The following LRRC37A2 variants were observed in gnomAD, a reference collection of about 807,000 sequenced individuals.
LRRC37A2 encodes leucine rich repeat containing 37 member A2, also known as leucine-rich repeat-containing protein 37A2.
A neutral mutation model predicts 68.8 loss-of-function variants in LRRC37A2; 9 were observed. The ratio of observed to expected loss-of-function variants is 0.13; its 90% CI spans 0.08 to 0.23. The LOEUF is 0.23. Among genes scored for constraint, LRRC37A2 ranks in the 10% least tolerant of loss-of-function variants. The pLI is 1.00. For synonymous variants in LRRC37A2, 63 were observed against 367.6 expected, an observed-to-expected ratio of 0.17 and a Z score of 9.48; for missense variants, 168 against 950.4, an observed-to-expected ratio of 0.18 and a Z score of 10.82.
At chr17:46,796,578 C>T in the LRRC37A2 span, among the ~76,000 whole-genome samples, 1 of 152,208 alleles carries the variant, frequency 6.6e-6, no homozygotes, top group Non-Finnish European at 1.5e-5. Context: ...TCGGGGCACA[C>T]AGAGAGGCAA....
chr17:46,503,154 G>C, the LRRC37A2 span, among the ~76,000 whole-genome samples: 1 of 146,254 alleles, frequency 6.8e-6, no homozygotes, highest in Admixed American at 6.8e-5. Context: ...GGAGCTTGCA[G>C]TGAGCCGAGA....
the LRRC37A2 span, chr17:46,966,772 C>T: frequency 2.2e-6 from 1 of 455,404 alleles, no homozygotes; most frequent in Non-Finnish European, 3.9e-6. Context: ...GACAATAGCA[C>T]CTGCCTTGCA....
the LRRC37A2 span, among the ~76,000 whole-genome samples, chr17:46,458,588 C>G: frequency 4.7e-4 from 28 of 59,062 alleles, 2 homozygotes; most frequent in South Asian, 8.3e-4. Flanking sequence ...GTTGCCCAGG[C>G]TGGAGTGCAA....
the LRRC37A2 span, among the ~76,000 whole-genome samples, chr17:46,881,339 C>T: frequency 2.0e-5 from 3 of 152,246 alleles, no homozygotes; most frequent in East Asian, 1.9e-4. Context: ...GCCTGGAGAC[C>T]AGCTGGCTCT....
chr17:46,976,604 G>T, the LRRC37A2 span, among the ~76,000 whole-genome samples: 1 of 151,988 alleles, frequency 6.6e-6, no homozygotes, highest in Non-Finnish European at 1.5e-5. Context: ...TTCTCTTCTC[G>T]CCCCAGTCAC....
the LRRC37A2 span, chr17:46,949,274 T>C: frequency 6.6e-6 from 1 of 152,280 alleles, no homozygotes; most frequent in Non-Finnish European, 1.5e-5. Context: ...ACTGGGGCTA[T>C]CCTCTGGAAC....
the LRRC37A2 span, among the ~76,000 whole-genome samples, chr17:46,980,832 C>CA: frequency 6.0e-5 from 9 of 149,362 alleles, no homozygotes; most frequent in South Asian, 6.4e-4. Context: ...GACTCCGTCT[C>CA]AAAAAAAATA....
At chr17:46,516,228 G>A (rs1292629351) in intron 2 of LRRC37A2, among the ~76,000 whole-genome samples, 2 of 138,612 alleles carry the variant, frequency 1.4e-5, no homozygotes, top group Non-Finnish European at 1.6e-5. Flanking sequence ...GCATGAACCT[G>A]GGAGGCAGAG....
chr17:46,914,159 A>G, the LRRC37A2 span, among the ~76,000 whole-genome samples: 2 of 152,190 alleles, frequency 1.3e-5, no homozygotes, highest in Non-Finnish European at 2.9e-5. Context: ...ATGCACTCTC[A>G]TATTTTAGTA....
At chr17:46,856,659 T>G in the LRRC37A2 span, among the ~76,000 whole-genome samples, 11 of 152,072 alleles carry the variant, frequency 7.2e-5, no homozygotes, top group Non-Finnish European at 1.3e-4. Flanking sequence ...AATTTTTGTA[T>G]TTTTAGTGAA....
chr17:46,822,841 C>A, the LRRC37A2 span, among the ~76,000 whole-genome samples: 1 of 151,912 alleles, frequency 6.6e-6, no homozygotes, highest in African/African-American at 2.4e-5. Context: ...CTTCCGCTGA[C>A]ATATGGGAGG....
At chr17:46,718,329 A>C in the LRRC37A2 span, among the ~76,000 whole-genome samples, 2 of 152,204 alleles carry the variant, frequency 1.3e-5, no homozygotes, top group African/African-American at 4.8e-5. Context: ...GCTCAGTGAA[A>C]GCTGATTAAA....
the LRRC37A2 span, among the ~76,000 whole-genome samples, chr17:46,947,002 GA>G: frequency 1.3e-5 from 2 of 152,210 alleles, no homozygotes; most frequent in Admixed American, 6.5e-5. Context: ...GGGAAGGTGG[GA>G]CGGGGGCCAG....
the LRRC37A2 span, chr17:46,872,413 C>G: frequency 1.4e-6 from 2 of 1,385,454 alleles, no homozygotes; most frequent in Non-Finnish European, 1.9e-6. Context: ...AGCCTGCTGC[C>G]CAGAAGGGCA....
chr17:46,917,240 A>T, the LRRC37A2 span: 1 of 152,224 alleles, frequency 6.6e-6, no homozygotes, highest in Non-Finnish European at 1.5e-5. Flanking sequence ...TCAAGGCATG[A>T]TTCATCCCAA....
chr17:46,715,665 A>C, the LRRC37A2 span, among the ~76,000 whole-genome samples: 496 of 152,316 alleles, frequency 3.3e-3, 5 homozygotes, highest in African/African-American at 0.012. Context: ...CTACTTTGTA[A>C]GTGTGAGATA....
At chr17:46,985,288 A>AGGCAGGTG in the LRRC37A2 span, among the ~76,000 whole-genome samples, 1 of 152,134 alleles carries the variant, frequency 6.6e-6, no homozygotes, top group African/African-American at 2.4e-5. Context: ...TGGGAGGCTG[A>AGGCAGGTG]GGCAGGTGGA....
At chr17:46,729,830 T>C in the LRRC37A2 span, among the ~76,000 whole-genome samples, 1 of 152,188 alleles carries the variant, frequency 6.6e-6, no homozygotes, top group Non-Finnish European at 1.5e-5. Flanking sequence ...CACTTAAAAG[T>C]AAATGACTTG....
the LRRC37A2 span, among the ~76,000 whole-genome samples, chr17:46,837,603 G>A: frequency 2.0e-5 from 3 of 152,184 alleles, no homozygotes; most frequent in African/African-American, 4.8e-5. Flanking sequence ...CCTAATAAAC[G>A]CTAGAGGTGG....
Sources: gnomAD v4.1 joint callset for allele counts (sites outside exome capture counted in the v4.1 genomes callset) on GRCh38, gnomAD v4.1.1 for gene constraint, MANE v1.5 for transcripts, NCBI Gene and HGNC (gene_info 2026-07-23, HGNC 2026-07-21) for gene names.